Variants in CPPED1 observed in about 807,000 individuals in gnomAD.
CPPED1 encodes the protein serine/threonine-protein phosphatase CPPED1.
In CPPED1, 28 loss-of-function variants were observed where a neutral mutation model predicts 28.0. The observed-to-expected ratio is 1.00, with a 90% confidence interval of 0.74 to 1.37. The LOEUF (loss-of-function observed/expected upper bound fraction) is 1.37. CPPED1 is among the 40% of genes most tolerant of loss of function. The probability of loss-of-function intolerance (pLI) is 0.00; values close to 1 mark genes in which losing one functional copy is unlikely to be tolerated. For synonymous variants in CPPED1, 198 were observed against 180.2 expected, an observed-to-expected ratio of 1.10 and a Z score of -0.79; for missense variants, 504 against 416.5, an observed-to-expected ratio of 1.21 and a Z score of -1.83.
At chr16:12,696,881 G>GA (rs1489268321) in intron 3 of CPPED1, among the ~76,000 whole-genome samples, 1 of 152,118 alleles carries the variant, frequency 6.6e-6, no homozygotes, top group Non-Finnish European at 1.5e-5. Flanking sequence ...AGCAACTTAA[G>GA]AAGCCAAATC....
chr16:12,667,128 A>G lies in CPPED1; in HGVS notation c.716-2013T>C, dbSNP rs534880701. On this transcript the variant is annotated intron_variant, in intron 3 of 3. Transcript: ENST00000381774. Reference sequence around the variant, plus strand: ...TCAAGAGAGAAAGAATGAGGGAAAAACAAAAAACAAAAAAAACACCCCTTA... The same window carrying G: ...TCAAGAGAGAAAGAATGAGGGAAAAGCAAAAAACAAAAAAAACACCCCTTA... Among the ~76,000 whole-genome samples, 3 of 152,286 alleles carry G rather than the reference A, an allele frequency of 2.0e-5. No homozygotes were observed. The South Asian group carries it at 6.2e-4, about 32-fold the overall frequency.
chr16:12,755,000 T>C (rs1425522777), intron 2 of CPPED1, among the ~76,000 whole-genome samples: 2 of 151,920 alleles, frequency 1.3e-5, no homozygotes, highest in Non-Finnish European at 2.9e-5. Context: ...AACAGAGAGA[T>C]CTGTTGTACA....
chr16:12,741,790 C>T (rs1338533084), intron 2 of CPPED1, among the ~76,000 whole-genome samples: 1 of 152,194 alleles, frequency 6.6e-6, no homozygotes, highest in Non-Finnish European at 1.5e-5. Context: ...GTGGTTCACG[C>T]CCGTAATCCC....
intron 3 of CPPED1, among the ~76,000 whole-genome samples, chr16:12,695,953 T>A (rs1167042847): frequency 6.6e-6 from 1 of 152,192 alleles, no homozygotes; most frequent in Non-Finnish European, 1.5e-5. Context: ...AAGGATCAAA[T>A]TTTATCACTA....
intron 1 of CPPED1, among the ~76,000 whole-genome samples, chr16:12,786,339 CG>C (rs2141241942): frequency 6.6e-6 from 1 of 152,342 alleles, no homozygotes; most frequent in Admixed American, 6.5e-5. Context: ...CCAAGGAACT[CG>C]AGTGGCCTGC....
chr16:12,742,773 T>C (rs997316696), intron 2 of CPPED1, among the ~76,000 whole-genome samples: 2 of 152,148 alleles, frequency 1.3e-5, no homozygotes, highest in African/African-American at 2.4e-5. Flanking sequence ...CACCCCCAGA[T>C]TGAACTGTTT....
At chr16:12,793,851 G>T (rs2080610839) in intron 1 of CPPED1, among the ~76,000 whole-genome samples, 1 of 152,146 alleles carries the variant, frequency 6.6e-6, no homozygotes, top group African/African-American at 2.4e-5. Flanking sequence ...TGTGGATATT[G>T]CTTTGGTTAT....
At chr16:12,707,417 G>A (rs4781325) in intron 2 of CPPED1, among the ~76,000 whole-genome samples, 5,103 of 152,208 alleles carry the variant, frequency 0.034, 128 homozygotes, top group East Asian at 0.1. Context: ...TTGGTGGTCT[G>A]GCTCAAGGTG....
At chr16:12,669,517 G>T (rs943436208) in intron 3 of CPPED1, among the ~76,000 whole-genome samples, 17 of 152,152 alleles carry the variant, frequency 1.1e-4, no homozygotes, top group Non-Finnish European at 2.9e-5. Context: ...AAAATTTACA[G>T]GAAGAGGAGG....
intron 1 of CPPED1, among the ~76,000 whole-genome samples, chr16:12,783,493 A>C (rs1039609092): frequency 6.6e-6 from 1 of 151,246 alleles, no homozygotes; most frequent in Non-Finnish European, 1.5e-5. Flanking sequence ...ATTCTGTCTC[A>C]AAACTAAATA....
chr16:12,768,817 T>G (rs189930702), intron 2 of CPPED1, among the ~76,000 whole-genome samples: 2 of 152,256 alleles, frequency 1.3e-5, no homozygotes, highest in East Asian at 3.9e-4. Context: ...TCACACTTGT[T>G]GCAGATTAAT....
At chr16:12,674,480 G>C in intron 3 of CPPED1, among the ~76,000 whole-genome samples, 1 of 152,264 alleles carries the variant, frequency 6.6e-6, no homozygotes, top group South Asian at 2.1e-4. Context: ...AGGGAGGCCC[G>C]GAAGTTCTGA....
intron 2 of CPPED1, among the ~76,000 whole-genome samples, chr16:12,778,864 AG>A (rs2080513379): frequency 1.3e-5 from 2 of 152,220 alleles, no homozygotes; most frequent in South Asian, 4.1e-4. Flanking sequence ...CCAAGTCTCC[AG>A]AACAAATTAT....
At chr16:12,696,631 T>A (rs1333785002) in intron 3 of CPPED1, among the ~76,000 whole-genome samples, 1 of 151,864 alleles carries the variant, frequency 6.6e-6, no homozygotes, top group Non-Finnish European at 1.5e-5. Flanking sequence ...TTAGTAGAGA[T>A]GGGGTTTCAC....
chr16:12,706,564 A>G (rs2080052003), intron 2 of CPPED1, among the ~76,000 whole-genome samples: 1 of 151,016 alleles, frequency 6.6e-6, no homozygotes, highest in Non-Finnish European at 1.5e-5. Flanking sequence ...CCGAAAAAAA[A>G]AAAAAAAAAA....
At chr16:12,678,864 T>C (rs1192603159) in intron 3 of CPPED1, among the ~76,000 whole-genome samples, 1 of 152,236 alleles carries the variant, frequency 6.6e-6, no homozygotes, top group African/African-American at 2.4e-5. Context: ...TCTTTATGTT[T>C]CTTATTTCTT....
chr16:12,683,504 G>C (rs996401907), intron 3 of CPPED1, among the ~76,000 whole-genome samples: 2 of 152,086 alleles, frequency 1.3e-5, no homozygotes, highest in African/African-American at 2.4e-5. Context: ...CCTAGGCTTC[G>C]TGGACCTCTC....
intron 3 of CPPED1, among the ~76,000 whole-genome samples, chr16:12,696,365 G>A (rs775695929): frequency 1.8e-4 from 27 of 151,968 alleles, no homozygotes; most frequent in Non-Finnish European, 2.5e-4. Context: ...CAAACGGTTC[G>A]GGATCATACA....
intron 3 of CPPED1, among the ~76,000 whole-genome samples, chr16:12,690,511 C>G (rs2079956796): frequency 6.8e-6 from 1 of 146,036 alleles, no homozygotes; most frequent in Admixed American, 7.0e-5. Context: ...AAGACTCCTT[C>G]TCAAGAAAGA....
Sources: gnomAD v4.1 joint callset for allele counts (sites outside exome capture counted in the v4.1 genomes callset) on GRCh38, gnomAD v4.1.1 for gene constraint, MANE v1.5 for transcripts, NCBI Gene and HGNC (gene_info 2026-07-23, HGNC 2026-07-21) for gene names.